Variants in ZNF804A observed in about 807,000 individuals in gnomAD.
ZNF804A encodes the protein zinc finger protein 804A.
Under a neutral mutation model 16.5 loss-of-function variants are expected in ZNF804A, and 2 were observed. That is an observed-to-expected ratio of 0.12 (90% CI 0.05 to 0.38). The LOEUF (loss-of-function observed/expected upper bound fraction) is 0.38, where lower values mean the gene tolerates loss of function less well. Ranked by LOEUF, ZNF804A falls within the 10% of genes least tolerant of loss-of-function variation. ZNF804A has a pLI of 0.99. For synonymous variants in ZNF804A, 534 were observed against 489.6 expected (o/e 1.09, Z -1.20); for missense variants, 1,473 against 1,390.7 (o/e 1.06, Z -0.94).
chr2:184,603,148 G>A (rs1045355370), intron 1 of ZNF804A, among the ~76,000 whole-genome samples: 7 of 152,104 alleles, frequency 4.6e-5, no homozygotes, highest in East Asian at 3.9e-4. Context: ...TTTACTAATC[G>A]GTTCACAAAA....
At chr2:184,628,710 G>A (rs936302318) in intron 1 of ZNF804A, among the ~76,000 whole-genome samples, 2 of 151,986 alleles carry the variant, frequency 1.3e-5, no homozygotes, top group African/African-American at 4.8e-5. Context: ...GTACAGAATC[G>A]TGGTATTTCT....
chr2:184,632,377 T>G (rs1323243579), intron 1 of ZNF804A, among the ~76,000 whole-genome samples: 1 of 152,192 alleles, frequency 6.6e-6, no homozygotes, highest in Non-Finnish European at 1.5e-5. Context: ...TAACTTTTAT[T>G]TATTTTACTA....
rs1408089869 is a variant in ZNF804A at position 184,824,836 on chromosome 2, G to A, written c.112-41533G>A. ...GGACTGGCAGCCAGGACTTAGCTGG[G>A]GACACCAGCTGGAACACCTGTAAGA... On this transcript the variant is annotated intron_variant, in intron 1 of 3. Transcript: ENST00000302277. 2.6e-5 allele frequency among the ~76,000 whole-genome samples: 4 copies of A among 151,848 alleles called. No homozygotes were observed. In the East Asian group the frequency reaches 7.7e-4, roughly 29 times the overall value.
At chr2:184,757,017 G>C (rs907645101) in intron 1 of ZNF804A, among the ~76,000 whole-genome samples, 3 of 151,876 alleles carry the variant, frequency 2.0e-5, no homozygotes, top group Non-Finnish European at 4.4e-5. Context: ...TCTACGTCTG[G>C]TTTAAACATT....
At chr2:184,611,953 A>ATAGAG (rs1340783551) in intron 1 of ZNF804A, among the ~76,000 whole-genome samples, 3 of 152,136 alleles carry the variant, frequency 2.0e-5, no homozygotes, top group Admixed American at 1.3e-4. Flanking sequence ...TTATATCTTC[A>ATAGAG]TTAGGTGTCA....
chr2:184,896,137 A>T (rs1284357739), intron 2 of ZNF804A, among the ~76,000 whole-genome samples: 1 of 151,646 alleles, frequency 6.6e-6, no homozygotes, highest in African/African-American at 2.4e-5. Flanking sequence ...TTCTCAAGCC[A>T]GACTCACACA....
At position 184,816,953 on chromosome 2, in the gene ZNF804A, T is replaced by C. The variant is rs76448409; in HGVS notation, c.112-49416T>C. Among the ~76,000 whole-genome samples the C allele has an allele frequency of 1.2e-4, 18 of 152,120 alleles. No homozygotes were observed. The East Asian group carries it at 3.5e-3, about 29-fold the overall frequency. On this transcript the variant is annotated intron_variant, in intron 1 of 3. Transcript: ENST00000302277. ...GAAGTTTATGCTTGATTAAGGGTGTTGAAATATATCTTAAGTACTTCAGCC... is the reference window on the plus strand; with the variant it reads ...GAAGTTTATGCTTGATTAAGGGTGTCGAAATATATCTTAAGTACTTCAGCC...
chr2:184,755,933 TAA>T (rs552988029), intron 1 of ZNF804A, among the ~76,000 whole-genome samples: 48 of 152,092 alleles, frequency 3.2e-4, no homozygotes, highest in African/African-American at 7.5e-4. Context: ...AAAGTCATTA[TAA>T]GTCTCAAAAA....
chr2:184,647,750 T>A (rs2105698199), intron 1 of ZNF804A, among the ~76,000 whole-genome samples: 1 of 152,176 alleles, frequency 6.6e-6, no homozygotes, highest in East Asian at 1.9e-4. Flanking sequence ...AAGTGACCAA[T>A]CTTACAAAAC....
intron 1 of ZNF804A, among the ~76,000 whole-genome samples, chr2:184,609,063 G>C (rs1346369565): frequency 6.6e-6 from 1 of 152,192 alleles, no homozygotes; most frequent in Non-Finnish European, 1.5e-5. Context: ...AGGATATGTA[G>C]AAATATAGAG....
At chr2:184,665,252 G>T (rs988124449) in intron 1 of ZNF804A, among the ~76,000 whole-genome samples, 2 of 152,092 alleles carry the variant, frequency 1.3e-5, no homozygotes, top group Non-Finnish European at 2.9e-5. Flanking sequence ...TAGCACTAAA[G>T]ATTCAATATT....
intron 1 of ZNF804A, among the ~76,000 whole-genome samples, chr2:184,773,046 AT>A (rs1426472141): frequency 2.7e-5 from 4 of 148,852 alleles, no homozygotes; most frequent in South Asian, 2.1e-4. Flanking sequence ...GTATATATAT[AT>A]TTTTTTAAAT....
intron 1 of ZNF804A, among the ~76,000 whole-genome samples, chr2:184,741,111 C>T (rs748863525): frequency 3.3e-5 from 5 of 152,178 alleles, no homozygotes; most frequent in Non-Finnish European, 5.9e-5. Flanking sequence ...GTGACACAAA[C>T]TGCAAATTTA....
At chr2:184,729,950 T>C (rs1693486000) in intron 1 of ZNF804A, among the ~76,000 whole-genome samples, 1 of 152,118 alleles carries the variant, frequency 6.6e-6, no homozygotes, top group African/African-American at 2.4e-5. Flanking sequence ...CAAACACTCA[T>C]GGAGTAAATA....
intron 1 of ZNF804A, among the ~76,000 whole-genome samples, chr2:184,641,353 GA>G (rs1691792977): frequency 6.6e-6 from 1 of 152,168 alleles, no homozygotes; most frequent in African/African-American, 2.4e-5. Flanking sequence ...AAAGCATGTA[GA>G]AACAAAGTAT....
chr2:184,847,041 AC>A (rs1401936330), intron 1 of ZNF804A, among the ~76,000 whole-genome samples: 3 of 152,154 alleles, frequency 2.0e-5, no homozygotes, highest in African/African-American at 7.2e-5. Flanking sequence ...CTATGAATGT[AC>A]CTCTTTCCTT....
intron 2 of ZNF804A, among the ~76,000 whole-genome samples, chr2:184,885,859 T>C (rs909467996): frequency 6.6e-6 from 1 of 152,174 alleles, no homozygotes; most frequent in Non-Finnish European, 1.5e-5. Flanking sequence ...CATGTGGGAA[T>C]TCTGAGAGAT....
chr2:184,757,183 T>C (rs753498081), intron 1 of ZNF804A, among the ~76,000 whole-genome samples: 1 of 152,042 alleles, frequency 6.6e-6, no homozygotes, highest in Non-Finnish European at 1.5e-5. Flanking sequence ...AACAGCTTCC[T>C]ACTCTCATAA....
intron 2 of ZNF804A, among the ~76,000 whole-genome samples, chr2:184,888,230 G>T (rs1164055944): frequency 1.3e-5 from 2 of 151,902 alleles, no homozygotes; most frequent in Non-Finnish European, 2.9e-5. Context: ...ATGATAATAA[G>T]CACATGAAAG....
Sources: gnomAD v4.1 joint callset for allele counts (sites outside exome capture counted in the v4.1 genomes callset) on GRCh38, gnomAD v4.1.1 for gene constraint, MANE v1.5 for transcripts, NCBI Gene and HGNC (gene_info 2026-07-23, HGNC 2026-07-21) for gene names.